Variants in ROBO2 observed in about 807,000 individuals in gnomAD.
ROBO2 encodes roundabout homolog 2.
ROBO2 carries 53 observed loss-of-function variants against 160.8 expected under a neutral mutation model. The observed-to-expected ratio is 0.33, with a 90% CI of 0.26 to 0.41. ROBO2 has a LOEUF of 0.41. ROBO2 is among the 10% of genes least tolerant of loss of function. The pLI is 1.00. For missense variants in ROBO2, 1,577 were observed against 1,722.4 expected (o/e 0.92, Z 1.49); for synonymous variants, 664 against 611.7 (o/e 1.09, Z -1.26).
intron 2 of ROBO2, among the ~76,000 whole-genome samples, chr3:76,776,083 A>G (rs1286279165): frequency 6.6e-6 from 1 of 150,786 alleles, no homozygotes; most frequent in Admixed American, 6.6e-5. Flanking sequence ...TTCTTTCTCT[A>G]CTCAGAAAAA....
chr3:76,694,111 A>G (rs1442055693), intron 2 of ROBO2, among the ~76,000 whole-genome samples: 1 of 152,220 alleles, frequency 6.6e-6, no homozygotes, highest in Non-Finnish European at 1.5e-5. Context: ...GGCTTACTGC[A>G]TCAGTGACAG....
intron 2 of ROBO2, among the ~76,000 whole-genome samples, chr3:76,235,994 T>C (rs552434785): frequency 6.6e-6 from 1 of 152,200 alleles, no homozygotes; most frequent in Non-Finnish European, 1.5e-5. Context: ...GGTAATTTCA[T>C]ATGTCAATAA....
At position 76,435,152 on chromosome 3, in the gene ROBO2, C is replaced by T. The variant is rs376509589; in HGVS notation, c.109+497550C>T. 5.5e-5 allele frequency: 54 copies of T among 990,660 alleles called. 3 individuals carry two copies. The highest frequency in any genetic ancestry group is 2.9e-4 in the East Asian group (12 of 42,088). 61.4% of individuals were successfully genotyped at this position (990,660 alleles called of 1,614,324 possible). A position where few individuals can be genotyped will look rare whatever the true frequency, so the allele number is the denominator to read the frequency against. On this transcript the variant is annotated intron_variant, in intron 2 of 26. Coordinates refer to the ROBO2 transcript ENST00000487694. ...AGAAGCTTGGTCTGGTATTTGATGACATGGTGGGCATTGTGGAGATAATCA... is the reference window on the plus strand; with the variant it reads ...AGAAGCTTGGTCTGGTATTTGATGATATGGTGGGCATTGTGGAGATAATCA...
chr3:76,051,412 G>A (rs2067649338), intron 2 of ROBO2, among the ~76,000 whole-genome samples: 1 of 152,088 alleles, frequency 6.6e-6, no homozygotes. Flanking sequence ...GTTTTCACAT[G>A]TATATTACAC....
At chr3:76,465,998 G>GGTAT (rs1553763874) in intron 2 of ROBO2, among the ~76,000 whole-genome samples, 1 of 147,566 alleles carries the variant, frequency 6.8e-6, no homozygotes, top group Non-Finnish European at 1.5e-5. Context: ...ATAAAATATG[G>GGTAT]GTGTGTGTGT....
chr3:75,933,286 A>G (rs1309070547), intron 1 of ROBO2, among the ~76,000 whole-genome samples: 1 of 152,202 alleles, frequency 6.6e-6, no homozygotes, highest in Non-Finnish European at 1.5e-5. Context: ...TATGCTAAGA[A>G]GAGGAATTGA....
chr3:77,042,238 A>T (rs2064175001), intron 1 of ROBO2, among the ~76,000 whole-genome samples: 1 of 152,154 alleles, frequency 6.6e-6, no homozygotes, highest in Admixed American at 6.5e-5. Context: ...ATTATTGTGA[A>T]TTATACTATG....
At chr3:76,950,651 A>G (rs185681598) in intron 2 of ROBO2, among the ~76,000 whole-genome samples, 5 of 152,150 alleles carry the variant, frequency 3.3e-5, no homozygotes, top group African/African-American at 7.2e-5. Context: ...AAATGACAGG[A>G]TACGCAGCTG....
chr3:76,082,709 A>G (rs532364827), intron 2 of ROBO2, among the ~76,000 whole-genome samples: 10 of 152,022 alleles, frequency 6.6e-5, no homozygotes, highest in African/African-American at 2.4e-4. Flanking sequence ...CTTATTTCCT[A>G]TTTTATTTTT....
chr3:77,554,746 T>C (rs1158507377), intron 8 of ROBO2, among the ~76,000 whole-genome samples: 1 of 151,982 alleles, frequency 6.6e-6, no homozygotes, highest in East Asian at 1.9e-4. Context: ...AAATGAAGAA[T>C]TGCTTCTTAG....
intron 2 of ROBO2, among the ~76,000 whole-genome samples, chr3:77,252,737 G>T (rs1580391445): frequency 7.0e-6 from 1 of 143,070 alleles, no homozygotes; most frequent in Middle Eastern, 3.8e-3. Flanking sequence ...GAATCCGGGA[G>T]GCAGAGCTTG....
chr3:76,137,407 GT>G (rs1252919946), intron 2 of ROBO2, among the ~76,000 whole-genome samples: 1 of 151,972 alleles, frequency 6.6e-6, no homozygotes. Flanking sequence ...TTCTCATACA[GT>G]TGTGGACCAA....
At chr3:77,041,446 G>A (rs903463203) in intron 1 of ROBO2, among the ~76,000 whole-genome samples, 5 of 152,214 alleles carry the variant, frequency 3.3e-5, no homozygotes, top group Admixed American at 1.3e-4. Flanking sequence ...GGCCACAGGA[G>A]TAGAACACTT....
intron 2 of ROBO2, among the ~76,000 whole-genome samples, chr3:77,329,408 A>G (rs1395492936): frequency 2.0e-5 from 3 of 152,146 alleles, no homozygotes; most frequent in African/African-American, 7.2e-5. Flanking sequence ...AACATAACAA[A>G]TGCTGTTTGT....
rs143067682 is a variant in ROBO2 at position 76,030,350 on chromosome 3, G to T, written c.109+92748G>T. Among the ~76,000 whole-genome samples, 168 of 152,052 alleles carry T rather than the reference G, an allele frequency of 1.1e-3. 2 individuals carry two copies. Among genetic ancestry groups the T allele is most frequent in the Middle Eastern group, 3.4e-3 (1 of 294 alleles). ...ACTCTGATGGCAGTTTCTTTTGCTG[G>T]GCAGAAGCTCTTTAGTTTAATTAGA... On this transcript the variant is annotated intron_variant, in intron 2 of 26. Transcript: ENST00000487694.
intron 2 of ROBO2, among the ~76,000 whole-genome samples, chr3:76,658,336 C>A (rs2091667297): frequency 6.6e-6 from 1 of 151,656 alleles, no homozygotes; most frequent in African/African-American, 2.4e-5. Context: ...TTGAAACTTG[C>A]CTTTTTTTTT....
intron 2 of ROBO2, among the ~76,000 whole-genome samples, chr3:76,132,536 T>C (rs914595415): frequency 2.6e-5 from 4 of 152,046 alleles, no homozygotes; most frequent in Admixed American, 6.6e-5. Flanking sequence ...GGACTAACCT[T>C]GCAAGCAGGC....
At chr3:76,610,358 C>G (rs1222644956) in intron 2 of ROBO2, among the ~76,000 whole-genome samples, 1 of 152,304 alleles carries the variant, frequency 6.6e-6, no homozygotes, top group South Asian at 2.1e-4. Context: ...TGGCTCACAT[C>G]CCCTGCCCGT....
chr3:76,483,444 A>G (rs1416008920), intron 2 of ROBO2, among the ~76,000 whole-genome samples: 2 of 152,024 alleles, frequency 1.3e-5, no homozygotes, highest in Admixed American at 1.3e-4. Context: ...ATAGTACCCA[A>G]TTAACTATGA....
Sources: gnomAD v4.1 joint callset for allele counts (sites outside exome capture counted in the v4.1 genomes callset) on GRCh38, gnomAD v4.1.1 for gene constraint, MANE v1.5 for transcripts, NCBI Gene and HGNC (gene_info 2026-07-23, HGNC 2026-07-21) for gene names.